FUBP1: variants seen among roughly 807,000 people sequenced by gnomAD.
FUBP1 encodes far upstream element binding protein 1.
In FUBP1, 16 loss-of-function variants were observed where a neutral mutation model predicts 94.9. That is an observed-to-expected ratio of 0.17 (90% CI 0.11 to 0.26). The LOEUF (loss-of-function observed/expected upper bound fraction) is 0.26, where lower values mean the gene tolerates loss of function less well. Ranked by LOEUF, FUBP1 falls within the 10% of genes least tolerant of loss-of-function variation. The pLI, the probability that FUBP1 is intolerant of heterozygous loss-of-function variation, is 1.00. For missense variants in FUBP1, 583 were observed against 808.6 expected, an observed-to-expected ratio of 0.72 and a Z score of 3.38; for synonymous variants, 279 against 254.9, an observed-to-expected ratio of 1.09 and a Z score of -0.90.
rs1049520773 is a variant in FUBP1 at position 77,965,165 on chromosome 1, G to T, written c.540C>A (p.Gly180=). 1 of 1,609,792 alleles carries T rather than the reference G, an allele frequency of 6.2e-7. No individual in the cohort carries two copies. ...CTTGAACTGCATTTCCCGGTCCATC[G>T]CCATGATGGAAGCCAGGAGCTGGTC... ...KGRPAPGFHH[G]DGPGNAVQEI... is the part of the protein sequence containing the mutation. The change falls in exon 8 of 20, where the codon GGC becomes GGA. Residue 180 remains glycine (G), a synonymous_variant. Transcript: ENST00000370768.
At chr1:77,956,505 T>G in intron 17 of FUBP1, 67 bp downstream of exon 17, 1 of 1,035,738 alleles carries the variant, frequency 9.7e-7, no homozygotes, top group Non-Finnish European at 1.5e-6. Flanking sequence ...TATTATACAG[T>G]GATGTACTTC....
At chr1:77,975,552 G>A (rs966847937) in intron 1 of FUBP1, among the ~76,000 whole-genome samples, 2 of 152,324 alleles carry the variant, frequency 1.3e-5, no homozygotes, top group Admixed American at 1.3e-4. Context: ...TAGTTGTCTA[G>A]AGGGGAAGGG....
Position 77,969,956 on chromosome 1 carries a change from A to G in FUBP1, c.180T>C (p.Tyr60=), listed in dbSNP as rs778888933. 4.4e-6 allele frequency: 7 copies of G among 1,583,258 alleles called. No homozygotes were observed. The highest frequency in any genetic ancestry group is 3.4e-5 in the Admixed American group (2 of 58,518). ...CTTCTAAAGGTCTTTTTTGTCCCCC[A>G]TAACCATAGTCATTTGAATTCAGTG... ...GTSLNSNDYG[Y]GGQKRPLEDG... is the part of the protein sequence containing the mutation. Residue 60 remains tyrosine (Y), a synonymous_variant, in exon 2 of 20, where the codon TAT becomes TAC. Coordinates refer to ENST00000370768, the MANE Select transcript of FUBP1 (RefSeq NM_003902.5).
intron 7 of FUBP1, among the ~76,000 whole-genome samples, chr1:77,965,650 G>A (rs781708066): frequency 1.4e-4 from 22 of 152,188 alleles, no homozygotes; most frequent in Non-Finnish European, 2.2e-4. Context: ...TAGGTAATGG[G>A]GTAATAGCAC....
At chr1:77,956,190 ACCCAACAG>A (rs1654432489) in intron 17 of FUBP1, among the ~76,000 whole-genome samples, 1 of 152,244 alleles carries the variant, frequency 6.6e-6, no homozygotes, top group Admixed American at 6.5e-5. Flanking sequence ...TTGAAGAAGT[ACCCAACAG>A]GACATCATGT....
intron 10 of FUBP1, 36 bp from the exon 11 acceptor site, chr1:77,964,392 C>A (rs757581193): frequency 7.7e-7 from 1 of 1,291,284 alleles, no homozygotes; most frequent in Non-Finnish European, 1.1e-6. Flanking sequence ...AGAAAGCTAG[C>A]TTCTCAGGGT....
At chr1:77,966,671 T>G in intron 7 of FUBP1, 23 bp downstream of exon 7, 1 of 1,244,724 alleles carries the variant, frequency 8.0e-7, no homozygotes, top group Non-Finnish European at 1.2e-6. Context: ...CTTAAGTAGA[T>G]TTTTAAGATT....
rs1317718513 is a variant in FUBP1 at position 77,947,244 on chromosome 1, TAAAA to T, written c.*1518_*1521del. The T allele has an allele frequency of 3.5e-6, 1 of 284,900 alleles. No homozygotes were observed. Among genetic ancestry groups the T allele is most frequent in the African/African-American group, 2.2e-5 (1 of 46,418 alleles). The allele number at this position is 284,900 out of a possible 1,614,324, so 17.6% of individuals were successfully genotyped here. A position where few individuals can be genotyped will look rare whatever the true frequency, so the allele number is the denominator to read the frequency against. ...TTTCTTTAGCTATAGCTAAAGCATA[TAAAA>T]AATACTTACCCATTAAGCTCACTTT... On this transcript the variant is annotated 3_prime_UTR_variant, in exon 20 of 20. Coordinates refer to ENST00000370768, the MANE Select transcript of FUBP1 (RefSeq NM_003902.5).
At chr1:77,955,767 AATAT>A (rs149603542) in intron 17 of FUBP1, among the ~76,000 whole-genome samples, 7,192 of 152,222 alleles carry the variant, frequency 0.047, 226 homozygotes, top group East Asian at 0.11. Flanking sequence ...CATGTATGTA[AATAT>A]ATTTCCTAGT....
chr1:77,964,837 C>T (rs762499340), intron 9 of FUBP1, 33 bp downstream of exon 9: 10 of 1,520,354 alleles, frequency 6.6e-6, no homozygotes, highest in Non-Finnish European at 9.1e-6. Flanking sequence ...ATTCAACCCA[C>T]TCTTTCTTTA....
chr1:77,957,023 C>T (rs1311857321), intron 16 of FUBP1, among the ~76,000 whole-genome samples: 3 of 151,922 alleles, frequency 2.0e-5, no homozygotes, highest in African/African-American at 7.2e-5. Context: ...TTGTTTTTTT[C>T]TAAATTGGTT....
In FUBP1 at chr1:77,979,051, A is replaced by G. The variant is rs772750398; in HGVS notation, c.-47T>C. ...GCCGCCTGTTCAGAGACTTCCTCTC[A>G]GCTAACAGCTAAGAAAGAAAGAAAA... On this transcript the variant is annotated 5_prime_UTR_variant, in exon 1 of 20. Coordinates refer to ENST00000370768, the MANE Select transcript of FUBP1 (RefSeq NM_003902.5). 6 of 1,532,122 alleles carry G rather than the reference A, an allele frequency of 3.9e-6. No homozygotes were observed. Among genetic ancestry groups the G allele is most frequent in the Admixed American group, 4.2e-5 (2 of 47,780 alleles). The allele number at this position is 1,532,122 out of a possible 1,614,324, so 94.9% of individuals were successfully genotyped here. A position where few individuals can be genotyped will look rare whatever the true frequency, so the allele number is the denominator to read the frequency against.
chr1:77,963,808 A>G (rs1655977609), intron 12 of FUBP1, 93 bp from the exon 13 acceptor site: 1 of 1,039,512 alleles, frequency 9.6e-7, no homozygotes, highest in Admixed American at 2.7e-5. Flanking sequence ...CAGCTCTCAT[A>G]TACCTGAATC....
At chr1:77,951,639 C>T (rs1334241797) in intron 18 of FUBP1, among the ~76,000 whole-genome samples, 2 of 152,044 alleles carry the variant, frequency 1.3e-5, no homozygotes, top group African/African-American at 2.4e-5. Flanking sequence ...CTGTTTGATG[C>T]CAGATAGTTG....
intron 1 of FUBP1, among the ~76,000 whole-genome samples, chr1:77,978,012 T>C (rs1286411407): frequency 6.6e-6 from 1 of 152,226 alleles, no homozygotes; most frequent in Non-Finnish European, 1.5e-5. Flanking sequence ...TAGTACAATA[T>C]GCATAGTGTC....
At chr1:77,973,525 C>T (rs1026210543) in intron 1 of FUBP1, among the ~76,000 whole-genome samples, 9 of 152,234 alleles carry the variant, frequency 5.9e-5, no homozygotes, top group Admixed American at 1.3e-4. Flanking sequence ...GGATTACAGG[C>T]GTAAGCCACC....
At position 77,947,272 on chromosome 1, in the gene FUBP1, T is replaced by A. The variant is rs1360297639; in HGVS notation, c.*1494A>T. ...AAAATACTTACCCATTAAGCTCACT[T>A]TAAAAAAAATACAGAACTATGTATT... On this transcript the variant is annotated 3_prime_UTR_variant, in exon 20 of 20. Transcript: ENST00000370768. The A allele has an allele frequency of 3.3e-6, 1 of 300,872 alleles. No individual in the cohort carries two copies. The highest frequency in any genetic ancestry group is 5.2e-5 in the East Asian group (1 of 19,154). The allele number at this position is 300,872 out of a possible 1,614,324, so 18.6% of individuals were successfully genotyped here.
chr1:77,977,970 T>C (rs78194791), intron 1 of FUBP1, among the ~76,000 whole-genome samples: 1,785 of 152,326 alleles, frequency 0.012, 32 homozygotes, highest in African/African-American at 0.042. Context: ...TAATTATCAT[T>C]AGCTTAAAAC....
At chr1:77,968,233 G>C in intron 2 of FUBP1, 30 bp from the exon 3 acceptor site, 1 of 1,409,010 alleles carries the variant, frequency 7.1e-7, no homozygotes, top group Non-Finnish European at 9.7e-7. Flanking sequence ...TTAATTTTTT[G>C]CCAATTAAGT....
Sources: gnomAD v4.1 joint callset for allele counts (sites outside exome capture counted in the v4.1 genomes callset) on GRCh38, gnomAD v4.1.1 for gene constraint, MANE v1.5 for transcripts, NCBI Gene and HGNC (gene_info 2026-07-23, HGNC 2026-07-21) for gene names.